The following KLHL29 variants were observed in gnomAD, a reference collection of about 807,000 sequenced individuals.
KLHL29 encodes kelch-like protein 29.
KLHL29 carries 21 observed loss-of-function variants against 80.4 expected under a neutral mutation model. The observed-to-expected ratio is 0.26, with a 90% confidence interval of 0.19 to 0.38. The LOEUF is 0.38. Among genes scored for constraint, KLHL29 ranks in the 10% least tolerant of loss-of-function variants. The pLI is 1.00. For synonymous variants in KLHL29, 511 were observed against 526.8 expected, an observed-to-expected ratio of 0.97 and a Z score of 0.41; for missense variants, 867 against 1,223.9, an observed-to-expected ratio of 0.71 and a Z score of 4.35.
At chr2:23,668,261 T>C (rs1485490465) in intron 5 of KLHL29, 2 of 152,302 alleles carry the variant, frequency 1.3e-5, no homozygotes, top group East Asian at 3.9e-4. Context: ...AGCACCTGTT[T>C]CCCTCAATCA....
chr2:23,567,780 A>G (rs1667626472), intron 3 of KLHL29, among the ~76,000 whole-genome samples: 1 of 152,232 alleles, frequency 6.6e-6, no homozygotes, highest in Non-Finnish European at 1.5e-5. Context: ...GAGTGGGCTC[A>G]GTTGGGAGAA....
At chr2:23,509,220 A>C (rs997432091) in intron 2 of KLHL29, among the ~76,000 whole-genome samples, 2 of 152,158 alleles carry the variant, frequency 1.3e-5, no homozygotes, top group African/African-American at 4.8e-5. Flanking sequence ...ACCTGGGGAT[A>C]CCGGGTTATT....
intron 3 of KLHL29, among the ~76,000 whole-genome samples, chr2:23,612,404 A>C (rs1668891455): frequency 6.6e-6 from 1 of 152,222 alleles, no homozygotes; most frequent in Non-Finnish European, 1.5e-5. Flanking sequence ...AAAGAACAAA[A>C]ATAAGATTTT....
At chr2:23,540,946 C>T (rs1450022146) in intron 2 of KLHL29, among the ~76,000 whole-genome samples, 1 of 152,194 alleles carries the variant, frequency 6.6e-6, no homozygotes, top group African/African-American at 2.4e-5. Context: ...GTCATGGACC[C>T]TGATTCAATC....
intron 3 of KLHL29, among the ~76,000 whole-genome samples, chr2:23,620,318 TG>T (rs762979504): frequency 1.2e-4 from 19 of 152,018 alleles, no homozygotes; most frequent in Non-Finnish European, 1.3e-4. Flanking sequence ...GAGAGTGACA[TG>T]GTCATATTTA....
chr2:23,636,597 G>A (rs1669617228), intron 3 of KLHL29, among the ~76,000 whole-genome samples: 1 of 152,208 alleles, frequency 6.6e-6, no homozygotes, highest in South Asian at 2.1e-4. Context: ...CATATATTGA[G>A]TCCTCCCACT....
chr2:23,513,319 C>A (rs1168295246), intron 2 of KLHL29, among the ~76,000 whole-genome samples: 1 of 152,190 alleles, frequency 6.6e-6, no homozygotes, highest in Non-Finnish European at 1.5e-5. Flanking sequence ...ACTCCCTGGT[C>A]GAAGCAGAGA....
intron 5 of KLHL29, chr2:23,671,846 G>T (rs569959674): frequency 6.6e-6 from 1 of 152,424 alleles, no homozygotes; most frequent in South Asian, 2.1e-4. Context: ...AGGGGAGACT[G>T]CGCCCATGTA....
chr2:23,513,404 C>A (rs2103463827), intron 2 of KLHL29, among the ~76,000 whole-genome samples: 1 of 152,262 alleles, frequency 6.6e-6, no homozygotes, highest in South Asian at 2.1e-4. Flanking sequence ...AAATGCCTGC[C>A]CTCGGAAATC....
At chr2:23,588,207 C>A (rs1335851037) in intron 3 of KLHL29, among the ~76,000 whole-genome samples, 3 of 152,194 alleles carry the variant, frequency 2.0e-5, no homozygotes, top group African/African-American at 7.2e-5. Context: ...TGCCACCCAG[C>A]CCGGCATGAA....
chr2:23,579,184 A>C (rs954991063), intron 3 of KLHL29, among the ~76,000 whole-genome samples: 1 of 152,216 alleles, frequency 6.6e-6, no homozygotes, highest in African/African-American at 2.4e-5. Flanking sequence ...GAGCAACCCC[A>C]TGTGGTAAGT....
chr2:23,458,692 C>T (rs1664130141), intron 1 of KLHL29, among the ~76,000 whole-genome samples: 1 of 152,196 alleles, frequency 6.6e-6, no homozygotes, highest in Non-Finnish European at 1.5e-5. Flanking sequence ...CAGCATGAAC[C>T]AGGTGAAGAG....
chr2:23,413,278 G>A lies in KLHL29; in HGVS notation c.-154+27498G>A, dbSNP rs567863070. Among the ~76,000 whole-genome samples, 21 of 151,784 alleles carry A rather than the reference G, an allele frequency of 1.4e-4. No homozygotes were observed. The South Asian group carries it at 4.4e-3, about 32-fold the overall frequency. ...AGTCGTGCTGGCACTGAGTTAGCCA[G>A]ATGAGCTGATCTCCATGCTGAAGCC... is the stretch of plus-strand genomic sequence containing the variant. On this transcript the variant is annotated intron_variant, in intron 1 of 13. Coordinates refer to ENST00000486442, the MANE Select transcript of KLHL29 (RefSeq NM_052920.2).
intron 1 of KLHL29, among the ~76,000 whole-genome samples, chr2:23,446,509 T>C (rs575685873): frequency 7.7e-4 from 118 of 152,342 alleles, no homozygotes; most frequent in African/African-American, 2.4e-3. Flanking sequence ...GGCACGTCTA[T>C]TCCTGTGGAT....
chr2:23,692,181 T>C lies in KLHL29; in HGVS notation c.1282+305T>C, dbSNP rs538470056. ...ATGAGGGCTGTGCATGTGCTCTGTT[T>C]GTGGGGAAAGGCTATGGCCCTGGCC... On this transcript the variant is annotated intron_variant, in intron 7 of 13. Coordinates refer to ENST00000486442, the MANE Select transcript of KLHL29 (RefSeq NM_052920.2). 2.6e-5 allele frequency among the ~76,000 whole-genome samples: 4 copies of C among 152,368 alleles called. No homozygotes were observed. In the South Asian group the frequency reaches 8.3e-4, roughly 32 times the overall value.
intron 2 of KLHL29, among the ~76,000 whole-genome samples, chr2:23,486,905 C>T (rs772521940): frequency 1.6e-4 from 25 of 152,214 alleles, no homozygotes; most frequent in Non-Finnish European, 3.4e-4. Context: ...GAGGGCTGGC[C>T]AAGTGCCCAA....
At chr2:23,644,986 C>T (rs141803036) in intron 5 of KLHL29, among the ~76,000 whole-genome samples, 5 of 152,210 alleles carry the variant, frequency 3.3e-5, no homozygotes, top group Admixed American at 1.3e-4. Context: ...GCTCTTTCCT[C>T]GAAATTCCAT....
chr2:23,515,364 C>A, intron 2 of KLHL29, among the ~76,000 whole-genome samples: 1 of 152,356 alleles, frequency 6.6e-6, no homozygotes, highest in South Asian at 2.1e-4. Flanking sequence ...GCACAACATA[C>A]ATGCTATTTC....
chr2:23,518,559 C>G (rs1572372369), intron 2 of KLHL29, among the ~76,000 whole-genome samples: 1 of 152,268 alleles, frequency 6.6e-6, no homozygotes, highest in East Asian at 1.9e-4. Flanking sequence ...GAAAAGAAAC[C>G]CCAGCTGTCC....
Sources: allele counts gnomAD v4.1 joint callset (sites outside exome capture counted in the v4.1 genomes callset), GRCh38; gene constraint gnomAD v4.1.1; transcripts MANE v1.5; gene names NCBI Gene and HGNC (gene_info 2026-07-23, HGNC 2026-07-21).